FIP1L1: variants seen among roughly 807,000 people sequenced by gnomAD.
FIP1L1 encodes the protein factor interacting with PAPOLA and CPSF1.
Under a neutral mutation model 84.6 loss-of-function variants are expected in FIP1L1, and 21 were observed. The ratio of observed to expected loss-of-function variants is 0.25; its 90% CI spans 0.18 to 0.36. The LOEUF is 0.36. FIP1L1 is among the 10% of genes least tolerant of loss of function. The probability of loss-of-function intolerance (pLI) is 1.00; values close to 1 mark genes in which losing one functional copy is unlikely to be tolerated. For missense variants in FIP1L1, 526 were observed against 751.1 expected (o/e 0.70, Z 3.50); for synonymous variants, 263 against 242.3 (o/e 1.09, Z -0.80).
chr4:53,430,718 G>A (rs1378677872), intron 13 of FIP1L1, among the ~76,000 whole-genome samples: 1 of 152,078 alleles, frequency 6.6e-6, no homozygotes, highest in Non-Finnish European at 1.5e-5. Context: ...TTATACTATA[G>A]AGTGCAGCTA....
chr4:53,399,719 T>TG lies in FIP1L1; in HGVS notation c.706-11_706-10insG, dbSNP rs1376264201. ...TTAAATTCAACAAGCTAATAACCTT[T>TG]TTTTTTTAAGGTACAGCAGGGAAGA... On this transcript the variant is annotated splice_polypyrimidine_tract_variant and intron_variant, in intron 9 of 17. Coordinates refer to ENST00000337488, the MANE Select transcript of FIP1L1 (RefSeq NM_030917.4). 2 of 1,583,396 alleles carry TG rather than the reference T, an allele frequency of 1.3e-6. No homozygotes were observed. The highest frequency in any genetic ancestry group is 1.7e-6 in the Non-Finnish European group (2 of 1,156,950).
chr4:53,410,107 G>A (rs551554571), intron 10 of FIP1L1, among the ~76,000 whole-genome samples: 5 of 152,310 alleles, frequency 3.3e-5, no homozygotes, highest in Admixed American at 1.3e-4. Flanking sequence ...GCTGTAGACC[G>A]GAGTTGTTCC....
intron 13 of FIP1L1, among the ~76,000 whole-genome samples, chr4:53,441,740 A>G (rs142947847): frequency 6.2e-4 from 95 of 152,088 alleles, no homozygotes; most frequent in African/African-American, 2.2e-3. Context: ...TCACATAACT[A>G]GAAGGTGATA....
chr4:53,414,697 G>A lies in FIP1L1; in HGVS notation c.898G>A (p.Gly300Arg). The change falls in exon 11 of 18, where the codon GGG becomes AGG. Residue 300 changes from glycine (G) to arginine (R), a missense_variant. Physicochemically the swap from Gly to Arg is moderately radical, Grantham distance 125 (BLOSUM62 -2). Around this residue, in one of 6 missense-constraint regions of FIP1L1, gnomAD observed 80 missense variants for 151.1 expected, o/e 0.53. Transcript: ENST00000337488. ...SSVGKWQDRYGRAESPDLRRL... is the reference protein window; with the variant it reads ...SSVGKWQDRYRRAESPDLRRL... ...CGTTGGGAAGTGGCAGGATCGATATGGGAGGGCCGAATCACCTGATCTAAG... is the reference window on the plus strand; with the variant it reads ...CGTTGGGAAGTGGCAGGATCGATATAGGAGGGCCGAATCACCTGATCTAAG... 6.2e-7 allele frequency: 1 copy of A among 1,612,970 alleles called. No individual in the cohort carries two copies. Among genetic ancestry groups the A allele is most frequent in the Non-Finnish European group, 8.5e-7 (1 of 1,179,184 alleles).
chr4:53,393,764 G>GCCCCCCCCCCCCCCCC (rs35029503), intron 9 of FIP1L1, among the ~76,000 whole-genome samples: 1 of 87,990 alleles, frequency 1.1e-5, no homozygotes, highest in African/African-American at 4.0e-5. Context: ...TTTCCCCCCG[G>GCCCCCCCCCCCCCCCC]CCCCCCCCCC....
At chr4:53,399,383 A>G (rs1212176573) in intron 9 of FIP1L1, among the ~76,000 whole-genome samples, 2 of 152,218 alleles carry the variant, frequency 1.3e-5, no homozygotes, top group Non-Finnish European at 1.5e-5. Context: ...AAATTCTTCA[A>G]GGTCTTTCTT....
intron 15 of FIP1L1, among the ~76,000 whole-genome samples, chr4:53,447,511 G>T (rs1774731127): frequency 6.6e-6 from 1 of 152,038 alleles, no homozygotes; most frequent in African/African-American, 2.4e-5. Context: ...ATAATTCGTG[G>T]TCTGACAGAT....
intron 10 of FIP1L1, among the ~76,000 whole-genome samples, chr4:53,403,698 C>T (rs1751481785): frequency 6.6e-6 from 1 of 152,148 alleles, no homozygotes; most frequent in South Asian, 2.1e-4. Flanking sequence ...CCAATTCATT[C>T]AACTTTTGAA....
intron 11 of FIP1L1, among the ~76,000 whole-genome samples, chr4:53,422,539 A>T (rs1381378379): frequency 6.6e-6 from 1 of 152,098 alleles, no homozygotes; most frequent in Non-Finnish European, 1.5e-5. Context: ...TATTTAGAAC[A>T]GTGCTTACCT....
chr4:53,381,912 G>A (rs570111990), intron 3 of FIP1L1, among the ~76,000 whole-genome samples: 101 of 150,632 alleles, frequency 6.7e-4, no homozygotes, highest in Non-Finnish European at 1.1e-3. Context: ...ACAGGTGCCC[G>A]CCACCATGCC....
intron 10 of FIP1L1, among the ~76,000 whole-genome samples, chr4:53,406,400 A>T (rs1039324824): frequency 2.6e-5 from 4 of 152,070 alleles, no homozygotes; most frequent in Admixed American, 2.0e-4. Flanking sequence ...GTGCTGCTGG[A>T]TTTGTTTTGC....
intron 10 of FIP1L1, among the ~76,000 whole-genome samples, chr4:53,406,656 G>C (rs1753677109): frequency 6.6e-6 from 1 of 152,120 alleles, no homozygotes; most frequent in Non-Finnish European, 1.5e-5. Context: ...TTTTTGGTTG[G>C]TAAGCTATTG....
rs3765157 is a variant in FIP1L1, at chr4:53,447,025, T to C, written c.1285+2922T>C. Among the ~76,000 whole-genome samples the C allele has an allele frequency of 2.2e-4, 33 of 152,220 alleles. No individual in the cohort carries two copies. The East Asian group carries it at 6.2e-3, about 28-fold the overall frequency. On this transcript the variant is annotated intron_variant, in intron 15 of 17. Coordinates refer to ENST00000337488, the MANE Select transcript of FIP1L1 (RefSeq NM_030917.4). The stretch of plus-strand genomic sequence containing the variant: ...TATAAACCACATTGTAAGAAGTAAA[T>C]AGAAGAAAGTTAGAAGTTTCCTAGT...
intron 15 of FIP1L1, among the ~76,000 whole-genome samples, chr4:53,445,766 T>G (rs1773925249): frequency 6.6e-6 from 1 of 152,138 alleles, no homozygotes. Context: ...GAAGGACACC[T>G]TTGTCTTTGT....
intron 15 of FIP1L1, 76 bp from the exon 16 acceptor site, chr4:53,452,844 C>A (rs6850629): frequency 0.99 from 1,016,191 of 1,021,872 alleles, 505,486 homozygotes; most frequent in East Asian, 1. Flanking sequence ...ATTATAATCT[C>A]ATGACACATT....
chr4:53,381,750 A>ATTTTTTTTTT (rs1233462083), intron 3 of FIP1L1, among the ~76,000 whole-genome samples: 12 of 63,040 alleles, frequency 1.9e-4, no homozygotes, highest in African/African-American at 5.1e-4. Context: ...AGGCATTTGC[A>ATTTTTTTTTT]TTCTTTTTTT....
At chr4:53,407,407 A>G (rs371446723) in intron 10 of FIP1L1, among the ~76,000 whole-genome samples, 76 of 152,168 alleles carry the variant, frequency 5.0e-4, no homozygotes, top group African/African-American at 1.6e-3. Context: ...TTTTACATTT[A>G]CTGAGGAGAG....
chr4:53,389,300 T>A (rs980425242), intron 5 of FIP1L1, among the ~76,000 whole-genome samples: 5 of 152,196 alleles, frequency 3.3e-5, no homozygotes, highest in African/African-American at 4.8e-5. Flanking sequence ...TTACTTATGC[T>A]TAAGAGTGCT....
intron 13 of FIP1L1, among the ~76,000 whole-genome samples, chr4:53,434,142 A>G (rs778849612): frequency 6.6e-6 from 1 of 151,838 alleles, no homozygotes; most frequent in Non-Finnish European, 1.5e-5. Context: ...GCTTCTACTT[A>G]TGTATGTTTT....
Sources: gnomAD v4.1 joint callset for allele counts (sites outside exome capture counted in the v4.1 genomes callset) on GRCh38, gnomAD v4.1.1 for gene constraint, gnomAD v4.1.1 regional missense constraint, MANE v1.5 for transcripts, NCBI Gene and HGNC (gene_info 2026-07-23, HGNC 2026-07-21) for gene names.